Variants in NTRK3 observed in about 807,000 individuals in gnomAD.
NTRK3 encodes the protein NT-3 growth factor receptor.
In NTRK3, 24 loss-of-function variants were observed where a neutral mutation model predicts 91.7. That is an observed-to-expected ratio of 0.26 (90% confidence interval 0.19 to 0.37). NTRK3 has a LOEUF of 0.37. Ranked by LOEUF, NTRK3 falls within the 10% of genes least tolerant of loss-of-function variation. NTRK3 has a pLI of 1.00. For missense variants in NTRK3, 880 were observed against 1,068.9 expected, an observed-to-expected ratio of 0.82 and a Z score of 2.46; for synonymous variants, 483 against 404.0, an observed-to-expected ratio of 1.20 and a Z score of -2.34.
intron 5 of NTRK3, among the ~76,000 whole-genome samples, chr15:88,150,550 C>T (rs1237914616): frequency 1.3e-5 from 2 of 152,106 alleles, no homozygotes; most frequent in Non-Finnish European, 2.9e-5. Flanking sequence ...CAAGCCCCAC[C>T]TGGATTCCTC....
intron 13 of NTRK3, among the ~76,000 whole-genome samples, chr15:88,098,217 C>T (rs969241186): frequency 5.9e-5 from 9 of 152,148 alleles, no homozygotes; most frequent in African/African-American, 2.2e-4. Flanking sequence ...AAATCACACC[C>T]CACCACGGAA....
At chr15:88,028,228 T>G (rs1278809879) in intron 14 of NTRK3, among the ~76,000 whole-genome samples, 1 of 152,128 alleles carries the variant, frequency 6.6e-6, no homozygotes, top group Admixed American at 6.5e-5. Context: ...CCATCCCATG[T>G]CTTGGTGTTC....
At chr15:88,205,242 G>T (rs1367874827) in intron 3 of NTRK3, among the ~76,000 whole-genome samples, 1 of 152,162 alleles carries the variant, frequency 6.6e-6, no homozygotes, top group Non-Finnish European at 1.5e-5. Flanking sequence ...CTTAGTGTCC[G>T]TGTGGGGTGA....
At chr15:88,221,519 C>T (rs547050316) in intron 3 of NTRK3, among the ~76,000 whole-genome samples, 4 of 152,180 alleles carry the variant, frequency 2.6e-5, no homozygotes, top group Non-Finnish European at 4.4e-5. Flanking sequence ...CCGTCAGGTG[C>T]GGTGGCTCAC....
intron 13 of NTRK3, among the ~76,000 whole-genome samples, chr15:88,046,538 CAAGG>C (rs1319246857): frequency 6.6e-6 from 1 of 152,164 alleles, no homozygotes; most frequent in Non-Finnish European, 1.5e-5. Flanking sequence ...GAAGGCAGTG[CAAGG>C]AAGGACACCT....
chr15:87,999,420 T>C (rs928501235), intron 14 of NTRK3, among the ~76,000 whole-genome samples: 1 of 152,220 alleles, frequency 6.6e-6, no homozygotes, highest in East Asian at 1.9e-4. Flanking sequence ...TATCCCCCAC[T>C]ATTACCAGAT....
chr15:87,994,297 T>A (rs1342419290), intron 14 of NTRK3, among the ~76,000 whole-genome samples: 1 of 152,192 alleles, frequency 6.6e-6, no homozygotes, highest in Non-Finnish European at 1.5e-5. Context: ...TCACCTTATT[T>A]GAAAACGGGA....
At chr15:88,224,376 C>A (rs2050497999) in intron 3 of NTRK3, among the ~76,000 whole-genome samples, 1 of 152,178 alleles carries the variant, frequency 6.6e-6, no homozygotes, top group African/African-American at 2.4e-5. Context: ...GAAGAACATG[C>A]CCAGCAGGTG....
chr15:87,969,072 A>G (rs1051409296), intron 14 of NTRK3, among the ~76,000 whole-genome samples: 1 of 152,176 alleles, frequency 6.6e-6, no homozygotes, highest in African/African-American at 2.4e-5. Context: ...CAATGGAATT[A>G]TCCTTCCTAT....
chr15:88,219,242 C>A (rs1405866305), intron 3 of NTRK3, among the ~76,000 whole-genome samples: 1 of 152,238 alleles, frequency 6.6e-6, no homozygotes, highest in Non-Finnish European at 1.5e-5. Context: ...CAGGAGGGGC[C>A]TAAAATCCTT....
intron 14 of NTRK3, among the ~76,000 whole-genome samples, chr15:88,026,926 A>G (rs2078088029): frequency 1.3e-5 from 2 of 152,212 alleles, no homozygotes; most frequent in Non-Finnish European, 2.9e-5. Flanking sequence ...ATAAGTGCCA[A>G]CAGCCAGACC....
chr15:88,182,407 C>T lies in NTRK3; in HGVS notation c.395+1011G>A, dbSNP rs79893902. 9.6e-3 allele frequency among the ~76,000 whole-genome samples: 1,464 copies of T among 152,274 alleles called. 9 individuals are homozygous for T. The highest frequency in any genetic ancestry group is 0.048 in the Middle Eastern group (14 of 292). On this transcript the variant is annotated intron_variant, in intron 5 of 18. Coordinates refer to ENST00000394480, the Ensembl canonical transcript of NTRK3. ...CACAGCTCCCCTGGATGTTCTGCCCCGGTGCATGCAATTTCTCTCCAGCCC... is the reference window on the plus strand; with the variant it reads ...CACAGCTCCCCTGGATGTTCTGCCCTGGTGCATGCAATTTCTCTCCAGCCC...
chr15:87,866,488 T>C (rs2064682505), exon 19 of NTRK3: 1 of 167,942 alleles, frequency 6.0e-6, no homozygotes. Context: ...ATATCCCATA[T>C]AATAATAATC....
At chr15:88,030,392 G>A (rs2078416887) in intron 14 of NTRK3, among the ~76,000 whole-genome samples, 1 of 152,078 alleles carries the variant, frequency 6.6e-6, no homozygotes, top group Non-Finnish European at 1.5e-5. Context: ...CTCTCTCCAT[G>A]GCTCCCAGGC....
rs1489744553 is a variant in NTRK3, at chr15:88,135,831, C to T, written c.907+68G>A. The T allele has an allele frequency of 1.0e-5, 16 of 1,589,792 alleles. No homozygotes were observed. The East Asian group carries it at 3.4e-4, about 34-fold the overall frequency. On this transcript the variant is annotated intron_variant, in intron 9 of 18. Coordinates refer to ENST00000394480, the Ensembl canonical transcript of NTRK3. ...TAGCTCACCCCTGACAACACCTTGG[C>T]CCCTCTCCAGCCTCCTATGCCAGTT...
chr15:88,210,364 G>A (rs2049136470), intron 3 of NTRK3, among the ~76,000 whole-genome samples: 1 of 152,160 alleles, frequency 6.6e-6, no homozygotes, highest in Admixed American at 6.5e-5. Context: ...GCGGAAGCCT[G>A]AAGATGGAAG....
intron 13 of NTRK3, among the ~76,000 whole-genome samples, chr15:88,091,837 G>A (rs2049047457): frequency 6.6e-6 from 1 of 152,194 alleles, no homozygotes; most frequent in Middle Eastern, 3.2e-3. Context: ...GTGTCCCCAA[G>A]ATTATGAGCA....
At chr15:88,079,348 C>G (rs1459863791) in intron 13 of NTRK3, among the ~76,000 whole-genome samples, 1 of 152,188 alleles carries the variant, frequency 6.6e-6, no homozygotes, top group Non-Finnish European at 1.5e-5. Flanking sequence ...CCCCAGCGCA[C>G]CTGCCATCAG....
At chr15:87,943,227 G>A (rs906506835) in intron 14 of NTRK3, among the ~76,000 whole-genome samples, 4 of 152,126 alleles carry the variant, frequency 2.6e-5, no homozygotes, top group Non-Finnish European at 4.4e-5. Flanking sequence ...CTTTGGTGGG[G>A]TGGGAAATTA....
Sources: gnomAD v4.1 joint callset for allele counts (sites outside exome capture counted in the v4.1 genomes callset) on GRCh38, gnomAD v4.1.1 for gene constraint, MANE v1.5 for transcripts, NCBI Gene and HGNC (gene_info 2026-07-23, HGNC 2026-07-21) for gene names.